The following HAUS6 variants were observed in gnomAD, a reference collection of about 807,000 sequenced individuals.
The protein encoded by HAUS6 is HAUS augmin like complex subunit 6.
In HAUS6, 80 loss-of-function variants were observed where a neutral mutation model predicts 106.8. The observed-to-expected ratio is 0.75, with a 90% CI of 0.63 to 0.90. HAUS6 has a LOEUF of 0.90. Ranked by LOEUF, HAUS6 falls within the 40% of genes least tolerant of loss-of-function variation. The pLI is 0.00. For synonymous variants in HAUS6, 356 were observed against 379.1 expected, an observed-to-expected ratio of 0.94 and a Z score of 0.71; for missense variants, 1,155 against 1,118.1, an observed-to-expected ratio of 1.03 and a Z score of -0.47.
intron 9 of HAUS6, among the ~76,000 whole-genome samples, chr9:19,078,729 A>C (rs970983632): frequency 6.6e-6 from 1 of 151,964 alleles, no homozygotes; most frequent in African/African-American, 2.4e-5. Flanking sequence ...CAGAGGTTGC[A>C]GTGAGCCGAG....
chr9:19,062,920 C>T, intron 14 of HAUS6, 88 bp downstream of exon 14: 1 of 997,108 alleles, frequency 1.0e-6, no homozygotes, highest in Middle Eastern at 3.1e-4. Flanking sequence ...CTTGCCGAAA[C>T]CTCCCCAAGT....
At position 19,062,269 on chromosome 9, in the gene HAUS6, G is replaced by C. The variant is rs911611298; in HGVS notation, c.1629+739C>G. 5.3e-5 allele frequency among the ~76,000 whole-genome samples: 8 copies of C among 152,268 alleles called. No homozygotes were observed. The East Asian group carries it at 7.7e-4, about 15-fold the overall frequency. The stretch of plus-strand genomic sequence containing the variant: ...GCAAAAAGAACAAAACCTATGCTCA[G>C]TGATAATGATATGATATTGCAGTGT... On this transcript the variant is annotated intron_variant, in intron 14 of 16. Transcript: ENST00000380502.
Position 19,057,953 on chromosome 9 carries a change from A to G in HAUS6, c.2806+8T>C. The G allele has an allele frequency of 6.4e-7, 1 of 1,559,316 alleles. No homozygotes were observed. The highest frequency in any genetic ancestry group is 1.4e-5 in the African/African-American group (1 of 73,564). ...AGGTGAATATGCATAGGTCTATTTA[A>G]ACCTTACCCTTTAAATTAGGTAGTT... On this transcript the variant is annotated splice_region_variant and intron_variant, in intron 16 of 16. Coordinates refer to ENST00000380502, the MANE Select transcript of HAUS6 (RefSeq NM_017645.5).
intron 14 of HAUS6, among the ~76,000 whole-genome samples, chr9:19,062,026 T>C (rs575912340): frequency 7.9e-5 from 12 of 152,324 alleles, no homozygotes; most frequent in African/African-American, 2.6e-4. Flanking sequence ...ATTCAAGCAA[T>C]GCTAAAGCAT....
chr9:19,080,572 T>C lies in HAUS6; in HGVS notation c.971A>G (p.Gln324Arg), dbSNP rs138768406. 6.4e-4 allele frequency: 1,024 copies of C among 1,600,688 alleles called. 7 individuals carry two copies. The African/African-American group carries it at 0.011, about 17-fold the overall frequency. Residue 324 changes from glutamine (Q) to arginine (R), a missense_variant, in exon 9 of 17, where the codon CAG becomes CGG. By Grantham distance (43) the Gln-to-Arg change is conservative. Around this residue, in one of 3 missense-constraint regions of HAUS6, gnomAD observed 761 missense variants for 690.0 expected, o/e 1.10. Transcript: ENST00000380502. ...VLKVMKYERC[Q>R]ADQARLTVDL... ...TACCGTCAATCTTGCTTGATCAGCC[T>C]GACAACGTTCATATTTCATCACCTT... is the stretch of plus-strand genomic sequence containing the variant.
intron 1 of HAUS6, among the ~76,000 whole-genome samples, chr9:19,099,948 C>T (rs984857283): frequency 7.9e-5 from 12 of 152,192 alleles, no homozygotes; most frequent in Admixed American, 3.3e-4. Context: ...AATCCCAGCA[C>T]TTTGGGAGGC....
Position 19,096,669 on chromosome 9 carries a change from C to T in HAUS6, c.224+5G>A. ...ATTTAAGAAAATGAAATTATTTTTCCTTACTTGAAAACTTCTTTGGTGAGA... is the reference window on the plus strand; with the variant it reads ...ATTTAAGAAAATGAAATTATTTTTCTTTACTTGAAAACTTCTTTGGTGAGA... On this transcript the variant is annotated splice_donor_5th_base_variant and intron_variant, in intron 2 of 16. Transcript: ENST00000380502. 1 of 1,267,484 alleles carries T rather than the reference C, an allele frequency of 7.9e-7. No individual in the cohort carries two copies. The highest frequency in any genetic ancestry group is 2.5e-5 in the East Asian group (1 of 39,610). The allele number at this position is 1,267,484 out of a possible 1,614,324, so 78.5% of individuals were successfully genotyped here.
chr9:19,072,133 T>C (rs1017594826), intron 11 of HAUS6, among the ~76,000 whole-genome samples: 4 of 150,558 alleles, frequency 2.7e-5, no homozygotes, highest in Non-Finnish European at 5.9e-5. Context: ...GAGGTTGCAG[T>C]GAGTGGAAAT....
chr9:19,079,290 G>A (rs1837083167), intron 9 of HAUS6, among the ~76,000 whole-genome samples: 2 of 149,308 alleles, frequency 1.3e-5, no homozygotes, highest in Admixed American at 1.3e-4. Context: ...GGAGTGCAAT[G>A]GTGCAATCTC....
rs1218760161 is a variant in HAUS6 at position 19,058,435 on chromosome 9, C to T, written c.2332G>A (p.Glu778Lys). 1 of 1,602,174 alleles carries T rather than the reference C, an allele frequency of 6.2e-7. No individual in the cohort carries two copies. Among genetic ancestry groups the T allele is most frequent in the African/African-American group, 1.4e-5 (1 of 73,548 alleles). ...TGACCAACTTCTTCCGGGAGAGTTT[C>T]GTGTAATATGCCAAAATCATTATCT... ...FKDNDFGILH[E>K]TLPEEVGHLS... Residue 778 changes from glutamate (E) to lysine (K), a missense_variant, in exon 16 of 17, where the codon GAA becomes AAA. Glu to Lys is a moderately conservative substitution (Grantham distance 56). Transcript: ENST00000380502.
rs555197567 is a variant in HAUS6, at chr9:19,089,258, G to GA, written c.584+153dup. ...AGAACCAGACCCTGTCTCAGATAGG[G>GA]AAAAAAAAAAAGAAGAAGAAGTTAT... On this transcript the variant is annotated intron_variant, in intron 5 of 16. Coordinates refer to ENST00000380502, the MANE Select transcript of HAUS6 (RefSeq NM_017645.5). 3.9e-3 allele frequency among the ~76,000 whole-genome samples: 545 copies of GA among 140,792 alleles called. 9 individuals carry two copies. The South Asian group carries it at 0.064, about 16-fold the overall frequency. 92.4% of individuals were successfully genotyped at this position (140,792 alleles called of 152,430 possible).
At chr9:19,065,486 A>G (rs1386729407) in intron 12 of HAUS6, among the ~76,000 whole-genome samples, 2 of 148,896 alleles carry the variant, frequency 1.3e-5, no homozygotes, top group Non-Finnish European at 3.0e-5. Flanking sequence ...ATTGGTTAAT[A>G]TGTTATTTAA....
chr9:19,102,862 T>C lies in HAUS6; in HGVS notation c.-211A>G. The C allele has an allele frequency of 2.3e-6, 1 of 442,360 alleles. No homozygotes were observed. Among genetic ancestry groups the C allele is most frequent in the Non-Finnish European group, 4.0e-6 (1 of 249,452 alleles). 27.4% of individuals were successfully genotyped at this position (442,360 alleles called of 1,614,324 possible). ...TCTAACGGTATAGTGCGGCCACCAC[T>C]GCCTCAGCGAAGCCACCACAAACCG... On this transcript the variant is annotated 5_prime_UTR_variant, in exon 1 of 17. Transcript: ENST00000380502.
At chr9:19,062,409 C>G (rs899149373) in intron 14 of HAUS6, among the ~76,000 whole-genome samples, 3 of 152,136 alleles carry the variant, frequency 2.0e-5, no homozygotes, top group African/African-American at 2.4e-5. Flanking sequence ...AATGGTTAAT[C>G]TCCAAAATTT....
chr9:19,070,152 C>G, intron 12 of HAUS6, 67 bp downstream of exon 12: 1 of 904,302 alleles, frequency 1.1e-6, no homozygotes, highest in Non-Finnish European at 1.8e-6. Context: ...CCTCTCAGTT[C>G]CATCTCTATT....
chr9:19,078,223 C>G lies in HAUS6; in HGVS notation c.1144G>C (p.Glu382Gln), dbSNP rs1164838866. The G allele has an allele frequency of 9.4e-6, 15 of 1,597,306 alleles. No homozygotes were observed. The highest frequency in any genetic ancestry group is 1.2e-5 in the Non-Finnish European group (14 of 1,166,774). ...KQGEWHKKWKEFLGLSPFSLI... is the reference protein window; with the variant it reads ...KQGEWHKKWKQFLGLSPFSLI... The stretch of plus-strand genomic sequence containing the variant: ...CTGAAAGGAGACAAACCAAGAAATT[C>G]TTTCCACTTTTTATGCCATTCTCCT... Residue 382 changes from glutamate to glutamine, a missense_variant, in exon 10 of 17, where the codon GAA (glutamate) becomes CAA (glutamine). By Grantham distance (29) the Glu-to-Gln change is conservative. This residue lies in a region of HAUS6 where 761 missense variants were observed against 690.0 expected (regional missense o/e 1.10). Transcript: ENST00000380502.
At chr9:19,099,364 C>T (rs1817939155) in intron 1 of HAUS6, among the ~76,000 whole-genome samples, 1 of 152,098 alleles carries the variant, frequency 6.6e-6, no homozygotes, top group Non-Finnish European at 1.5e-5. Flanking sequence ...GATAGGGTTT[C>T]ACCGTGTTAG....
chr9:19,094,559 A>G (rs1199184527), intron 2 of HAUS6, among the ~76,000 whole-genome samples, 164 bp from the exon 3 acceptor site: 1 of 152,204 alleles, frequency 6.6e-6, no homozygotes, highest in East Asian at 1.9e-4. Context: ...TGGAAAGCCA[A>G]TGCAGACAGA....
chr9:19,067,724 T>C (rs1836792449), intron 12 of HAUS6, among the ~76,000 whole-genome samples: 1 of 152,176 alleles, frequency 6.6e-6, no homozygotes, highest in Non-Finnish European at 1.5e-5. Context: ...GTTTCACTCT[T>C]GTTGTCCAGG....
Sources: allele counts gnomAD v4.1 joint callset (sites outside exome capture counted in the v4.1 genomes callset), GRCh38; gene constraint gnomAD v4.1.1; regional missense constraint gnomAD v4.1.1; transcripts MANE v1.5; gene names NCBI Gene and HGNC (gene_info 2026-07-23, HGNC 2026-07-21).